The following SNTB2 variants were observed in gnomAD, a reference collection of about 807,000 sequenced individuals.
The protein encoded by SNTB2 is beta-2-syntrophin.
SNTB2 carries 34 observed loss-of-function variants against 46.2 expected under a neutral mutation model. The ratio of observed to expected loss-of-function variants is 0.74; its 90% CI spans 0.56 to 0.98. The LOEUF is 0.98. Among genes scored for constraint, SNTB2 ranks in the 50% least tolerant of loss-of-function variants. The probability of loss-of-function intolerance (pLI) is 0.00; values close to 1 mark genes in which losing one functional copy is unlikely to be tolerated. For synonymous variants in SNTB2, 290 were observed against 312.6 expected (o/e 0.93, Z 0.76); for missense variants, 603 against 731.4 (o/e 0.82, Z 2.02).
intron 3 of SNTB2, among the ~76,000 whole-genome samples, chr16:69,266,684 C>T (rs1005718228): frequency 6.6e-6 from 1 of 152,118 alleles, no homozygotes; most frequent in Non-Finnish European, 1.5e-5. Flanking sequence ...AAATCTCTCT[C>T]TTATAACTTA....
Position 69,284,153 on chromosome 16 carries a change from G to A in SNTB2, c.1254G>A (p.Arg418=), listed in dbSNP as rs1247473089. 1 of 1,613,896 alleles carries A rather than the reference G, an allele frequency of 6.2e-7. No homozygotes were observed. Among genetic ancestry groups the A allele is most frequent in the South Asian group, 1.1e-5 (1 of 91,078 alleles). ...SRQGIEMHLF[R]VETHRDLSSW... ...AGGGCATTGAGATGCATCTCTTCAGGGTGGAGACACATCGGGATCTGTCAT... is the reference window on the plus strand; with the variant it reads ...AGGGCATTGAGATGCATCTCTTCAGAGTGGAGACACATCGGGATCTGTCAT... The change falls in exon 5 of 7, where the codon AGG becomes AGA. Residue 418 remains arginine (R), a synonymous_variant. Coordinates refer to ENST00000336278, the MANE Select transcript of SNTB2 (RefSeq NM_006750.4).
At chr16:69,237,603 C>CTTTTTTTTTTTTTTTT (rs397706857) in intron 1 of SNTB2, among the ~76,000 whole-genome samples, 2 of 118,768 alleles carry the variant, frequency 1.7e-5, no homozygotes. Context: ...TTCTTTCTTT[C>CTTTTTTTTTTTTTTTT]TTTTTTTTTT....
At position 69,284,250 on chromosome 16, in the gene SNTB2, G is replaced by A. The variant is rs370038173; in HGVS notation, c.1345+6G>A. On this transcript the variant is annotated splice_donor_region_variant and intron_variant, in intron 5 of 6. Coordinates refer to ENST00000336278, the MANE Select transcript of SNTB2 (RefSeq NM_006750.4). ...GATCAAGGAAGTCTCTCTAGGTAGA[G>A]ATGCTGACTTTTTATTTCTAGTAGT... 14 of 1,588,956 alleles carry A rather than the reference G, an allele frequency of 8.8e-6. No individual in the cohort carries two copies. Among genetic ancestry groups the A allele is most frequent in the African/African-American group, 1.4e-5 (1 of 73,794 alleles).
chr16:69,247,964 T>A (rs867235861), intron 2 of SNTB2, among the ~76,000 whole-genome samples: 46 of 151,620 alleles, frequency 3.0e-4, no homozygotes, highest in African/African-American at 5.1e-4. Context: ...CAGGATTTTT[T>A]AAAAAAAAAT....
intron 4 of SNTB2, among the ~76,000 whole-genome samples, chr16:69,276,735 C>T (rs1284834046): frequency 6.6e-6 from 1 of 151,944 alleles, no homozygotes; most frequent in Non-Finnish European, 1.5e-5. Context: ...ATGTAATTTG[C>T]TTTTTTTCAT....
At chr16:69,276,254 T>A (rs1473454196) in intron 4 of SNTB2, among the ~76,000 whole-genome samples, 1 of 151,496 alleles carries the variant, frequency 6.6e-6, no homozygotes, top group Non-Finnish European at 1.5e-5. Context: ...TGAGTAGTGC[T>A]GTGCTTATGG....
intron 2 of SNTB2, among the ~76,000 whole-genome samples, chr16:69,257,057 G>C (rs1477082505): frequency 6.6e-6 from 1 of 151,866 alleles, no homozygotes; most frequent in Non-Finnish European, 1.5e-5. Context: ...TGTAATCCCA[G>C]CTACTTGGGA....
Position 69,303,926 on chromosome 16 carries a change from G to C in SNTB2, c.*3002G>C, listed in dbSNP as rs1965296160. On this transcript the variant is annotated 3_prime_UTR_variant, in exon 7 of 7. Transcript: ENST00000336278. ...ATTGTTGAGGATGTGGTGGGTTCCA[G>C]TGTGTGGAATGGAAAGGAAACTGCA... is the stretch of plus-strand genomic sequence containing the variant. 2 of 152,154 alleles carry C rather than the reference G, an allele frequency of 1.3e-5. No homozygotes were observed. The highest frequency in any genetic ancestry group is 4.8e-5 in the African/African-American group (2 of 41,410). 9.4% of individuals were successfully genotyped at this position (152,154 alleles called of 1,614,324 possible).
chr16:69,187,763 GGGA>G lies in SNTB2; in HGVS notation c.580+20_580+22del. 7.3e-7 allele frequency: 1 copy of G among 1,376,116 alleles called. No homozygotes were observed. Among genetic ancestry groups the G allele is most frequent in the Non-Finnish European group, 9.4e-7 (1 of 1,059,494 alleles). 85.2% of individuals were successfully genotyped at this position (1,376,116 alleles called of 1,614,324 possible). On this transcript the variant is annotated intron_variant, in intron 1 of 6. Transcript: ENST00000336278. ...TGCTGGAGGGTGAGCGGGGCCGGGC[GGGA>G]GGGTGGGCAGGCCGCGGCGGCCTGG...
At chr16:69,274,822 C>A (rs540647433) in intron 4 of SNTB2, among the ~76,000 whole-genome samples, 1 of 152,124 alleles carries the variant, frequency 6.6e-6, no homozygotes, top group African/African-American at 2.4e-5. Context: ...GGAAAAGGAG[C>A]AGTTTTTTGA....
chr16:69,284,344 A>G (rs1475996080), intron 5 of SNTB2, 100 bp downstream of exon 5: 19 of 914,386 alleles, frequency 2.1e-5, no homozygotes, highest in Admixed American at 6.2e-5. Flanking sequence ...GATTGCATAC[A>G]TGACAGCAGT....
intron 1 of SNTB2, among the ~76,000 whole-genome samples, chr16:69,194,595 G>A (rs1187710343): frequency 6.6e-6 from 1 of 152,164 alleles, no homozygotes; most frequent in Non-Finnish European, 1.5e-5. Context: ...GAGAACTGAT[G>A]TCTTTGTAAT....
Position 69,220,452 on chromosome 16 carries a change from G to A in SNTB2, c.581-25150G>A, listed in dbSNP as rs1053025643. 2.6e-5 allele frequency among the ~76,000 whole-genome samples: 4 copies of A among 151,718 alleles called. No individual in the cohort carries two copies. In the South Asian group the frequency reaches 6.2e-4, roughly 24 times the overall value. ...TGGGATTACAGGCGTGAGCCACTGCGCCTGGCCAAGAAAGTCAGATTTATT... is the reference window on the plus strand; with the variant it reads ...TGGGATTACAGGCGTGAGCCACTGCACCTGGCCAAGAAAGTCAGATTTATT... On this transcript the variant is annotated intron_variant, in intron 1 of 6. Transcript: ENST00000336278.
At chr16:69,264,917 T>C (rs1964870125) in intron 3 of SNTB2, among the ~76,000 whole-genome samples, 1 of 152,154 alleles carries the variant, frequency 6.6e-6, no homozygotes, top group South Asian at 2.1e-4. Flanking sequence ...AGAGCACATA[T>C]TTCAGTGATA....
chr16:69,194,074 T>A (rs986122792), intron 1 of SNTB2, among the ~76,000 whole-genome samples: 6 of 152,334 alleles, frequency 3.9e-5, no homozygotes, highest in African/African-American at 1.4e-4. Flanking sequence ...TGTCAAATAA[T>A]CCTCTTGCAT....
intron 1 of SNTB2, among the ~76,000 whole-genome samples, chr16:69,237,066 G>A (rs1302593153): frequency 6.6e-6 from 1 of 152,234 alleles, no homozygotes; most frequent in Admixed American, 6.5e-5. Context: ...GTTTGGATAT[G>A]TTGAATCTGA....
At chr16:69,265,099 A>T (rs976208024) in intron 3 of SNTB2, among the ~76,000 whole-genome samples, 1 of 152,132 alleles carries the variant, frequency 6.6e-6, no homozygotes, top group African/African-American at 2.4e-5. Context: ...AATACAAAAA[A>T]TTAGCTGGGT....
At chr16:69,246,323 T>C (rs1964669899) in intron 2 of SNTB2, among the ~76,000 whole-genome samples, 1 of 152,142 alleles carries the variant, frequency 6.6e-6, no homozygotes, top group Non-Finnish European at 1.5e-5. Flanking sequence ...GATAATCATG[T>C]GGTTTTTGTC....
At chr16:69,264,051 C>T (rs1277547993) in intron 3 of SNTB2, among the ~76,000 whole-genome samples, 1 of 152,150 alleles carries the variant, frequency 6.6e-6, no homozygotes, top group East Asian at 1.9e-4. Context: ...CTCTCTCCCG[C>T]CTCCCAAAAG....
Sources: allele counts gnomAD v4.1 joint callset (sites outside exome capture counted in the v4.1 genomes callset), GRCh38; gene constraint gnomAD v4.1.1; transcripts MANE v1.5; gene names NCBI Gene and HGNC (gene_info 2026-07-23, HGNC 2026-07-21).